The following LRRTM4 variants were observed in gnomAD, a reference collection of about 807,000 sequenced individuals.
The protein encoded by LRRTM4 is leucine rich repeat transmembrane neuronal 4.
A neutral mutation model predicts 47.6 loss-of-function variants in LRRTM4; 25 were observed. The ratio of observed to expected loss-of-function variants is 0.53; its 90% CI spans 0.38 to 0.73. The LOEUF is 0.73. Among genes scored for constraint, LRRTM4 ranks in the 30% least tolerant of loss-of-function variants. The probability of loss-of-function intolerance (pLI) is 0.00; values close to 1 mark genes in which losing one functional copy is unlikely to be tolerated. For missense variants in LRRTM4, 638 were observed against 713.4 expected (o/e 0.89, Z 1.20); for synonymous variants, 311 against 269.5 (o/e 1.15, Z -1.51).
intron 3 of LRRTM4, among the ~76,000 whole-genome samples, chr2:77,048,989 G>T (rs982787801): frequency 2.0e-5 from 3 of 150,812 alleles, no homozygotes; most frequent in African/African-American, 7.3e-5. Context: ...CAGCTTTTTA[G>T]TTTCCACATA....
chr2:77,371,833 G>C (rs1672667085), intron 3 of LRRTM4, among the ~76,000 whole-genome samples: 1 of 151,578 alleles, frequency 6.6e-6, no homozygotes, highest in South Asian at 2.1e-4. Flanking sequence ...CACGGTAAAT[G>C]GTCATGTCAA....
At chr2:77,145,922 A>T (rs1193815705) in intron 3 of LRRTM4, among the ~76,000 whole-genome samples, 1 of 152,168 alleles carries the variant, frequency 6.6e-6, no homozygotes, top group African/African-American at 2.4e-5. Flanking sequence ...TTTCGAAAAA[A>T]AATTTAAGAT....
At chr2:76,883,368 T>C (rs550711551) in intron 3 of LRRTM4, among the ~76,000 whole-genome samples, 6 of 152,298 alleles carry the variant, frequency 3.9e-5, no homozygotes, top group East Asian at 3.9e-4. Context: ...TTAATGTTTA[T>C]TGAACCAAAA....
intron 3 of LRRTM4, among the ~76,000 whole-genome samples, chr2:76,887,605 C>T (rs1036901600): frequency 2.7e-5 from 4 of 147,438 alleles, no homozygotes; most frequent in African/African-American, 7.5e-5. Context: ...TATATACACA[C>T]ATATATGATA....
At chr2:77,138,965 A>G (rs560471004) in intron 3 of LRRTM4, among the ~76,000 whole-genome samples, 22 of 152,312 alleles carry the variant, frequency 1.4e-4, no homozygotes, top group Non-Finnish European at 2.8e-4. Flanking sequence ...AGGCTCTGAA[A>G]TTGAGGCAAT....
chr2:77,025,911 C>G (rs563493980), intron 3 of LRRTM4, among the ~76,000 whole-genome samples: 2 of 152,268 alleles, frequency 1.3e-5, no homozygotes, highest in South Asian at 4.1e-4. Context: ...AAGTCAATGA[C>G]CGCTCCTCAA....
chr2:77,467,125 G>A (rs1370374926), intron 3 of LRRTM4, among the ~76,000 whole-genome samples: 2 of 152,082 alleles, frequency 1.3e-5, no homozygotes, highest in Admixed American at 1.3e-4. Context: ...TGTTGTTGTT[G>A]TAATCATTTT....
chr2:77,112,802 T>C (rs1363422030), intron 3 of LRRTM4, among the ~76,000 whole-genome samples: 1 of 152,188 alleles, frequency 6.6e-6, no homozygotes, highest in Non-Finnish European at 1.5e-5. Flanking sequence ...TGTGGGTCTC[T>C]GATCCAATGT....
intron 3 of LRRTM4, among the ~76,000 whole-genome samples, chr2:77,093,632 GTTTT>G: frequency 6.6e-6 from 1 of 151,830 alleles, no homozygotes; most frequent in East Asian, 1.9e-4. Flanking sequence ...ACACTATTTT[GTTTT>G]ATTTTTCTTA....
At chr2:77,035,543 T>C (rs964092332) in intron 3 of LRRTM4, among the ~76,000 whole-genome samples, 1 of 151,930 alleles carries the variant, frequency 6.6e-6, no homozygotes, top group African/African-American at 2.4e-5. Context: ...AAAATAGTGT[T>C]TTGCTTTTCT....
At chr2:77,131,382 C>T (rs1354736332) in intron 3 of LRRTM4, among the ~76,000 whole-genome samples, 1 of 152,104 alleles carries the variant, frequency 6.6e-6, no homozygotes, top group Non-Finnish European at 1.5e-5. Context: ...CTTTTAAGCA[C>T]GAGTGTTTCC....
intron 3 of LRRTM4, among the ~76,000 whole-genome samples, chr2:77,270,495 T>C (rs962694627): frequency 1.1e-4 from 17 of 152,232 alleles, no homozygotes; most frequent in African/African-American, 4.1e-4. Flanking sequence ...AAAGGCGCTA[T>C]GGAATTAACA....
chr2:77,407,408 G>A (rs1486766346), intron 3 of LRRTM4, among the ~76,000 whole-genome samples: 1 of 151,400 alleles, frequency 6.6e-6, no homozygotes, highest in Non-Finnish European at 1.5e-5. Context: ...ACTCTGGGGA[G>A]TAAAGCTTTA....
intron 3 of LRRTM4, among the ~76,000 whole-genome samples, chr2:77,035,407 A>G (rs1365387036): frequency 6.6e-6 from 1 of 151,904 alleles, no homozygotes; most frequent in African/African-American, 2.4e-5. Flanking sequence ...CAGCATGTCC[A>G]TCACTACGAA....
chr2:77,517,130 A>G lies in LRRTM4; in HGVS notation c.1551+1188T>C, dbSNP rs1679240263. On this transcript the variant is annotated intron_variant, in intron 3 of 3. Transcript: ENST00000409884. ...GCACATAATGATCAACATTACCAAG[A>G]AAAGAACAATTTACATCCAGCATTA... The G allele has an allele frequency of 3.0e-6, 3 of 985,182 alleles. No individual in the cohort carries two copies. In the African/African-American group the frequency reaches 5.2e-5, roughly 17 times the overall value. The allele number at this position is 985,182 out of a possible 1,614,324, so 61.0% of individuals were successfully genotyped here.
At chr2:77,028,844 G>A (rs1678543864) in intron 3 of LRRTM4, among the ~76,000 whole-genome samples, 1 of 151,478 alleles carries the variant, frequency 6.6e-6, no homozygotes, top group Non-Finnish European at 1.5e-5. Flanking sequence ...GACCATCCTG[G>A]CTAACACGGT....
At chr2:77,411,752 A>G (rs1674448572) in intron 3 of LRRTM4, among the ~76,000 whole-genome samples, 1 of 149,224 alleles carries the variant, frequency 6.7e-6, no homozygotes, top group Non-Finnish European at 1.5e-5. Context: ...TTACAGATGT[A>G]AGCCACCGCG....
intron 3 of LRRTM4, among the ~76,000 whole-genome samples, chr2:76,825,447 C>A (rs892313245): frequency 1.3e-5 from 2 of 151,616 alleles, no homozygotes; most frequent in Non-Finnish European, 3.0e-5. Context: ...AAAAGTATTA[C>A]AAATGATTTC....
intron 3 of LRRTM4, among the ~76,000 whole-genome samples, chr2:77,362,116 A>AGAAG (rs1163413145): frequency 2.6e-5 from 1 of 39,002 alleles, no homozygotes; most frequent in African/African-American, 6.9e-5. Flanking sequence ...AAAGAAAGAG[A>AGAAG]GAAAGAAAGA....
Sources: allele counts gnomAD v4.1 joint callset (sites outside exome capture counted in the v4.1 genomes callset), GRCh38; gene constraint gnomAD v4.1.1; transcripts MANE v1.5; gene names NCBI Gene and HGNC (gene_info 2026-07-23, HGNC 2026-07-21).